The following OSBPL11 variants were observed in gnomAD, a reference collection of about 807,000 sequenced individuals.
The protein encoded by OSBPL11 is oxysterol-binding protein-related protein 11.
OSBPL11 carries 33 observed loss-of-function variants against 84.4 expected under a neutral mutation model. That is an observed-to-expected ratio of 0.39 (90% confidence interval 0.30 to 0.52). OSBPL11 has a LOEUF of 0.52. OSBPL11 is among the 20% of genes least tolerant of loss of function. The probability of loss-of-function intolerance (pLI) is 0.72; values close to 1 mark genes in which losing one functional copy is unlikely to be tolerated. For missense variants in OSBPL11, 736 were observed against 901.1 expected, an observed-to-expected ratio of 0.82 and a Z score of 2.35; for synonymous variants, 276 against 310.2, an observed-to-expected ratio of 0.89 and a Z score of 1.16.
chr3:125,582,826 A>G lies in OSBPL11; in HGVS notation c.233+84T>C, dbSNP rs988192318. 11 of 1,024,348 alleles carry G rather than the reference A, an allele frequency of 1.1e-5. No individual in the cohort carries two copies. In the African/African-American group the frequency reaches 1.3e-4, roughly 13 times the overall value. The allele number at this position is 1,024,348 out of a possible 1,614,324, so 63.5% of individuals were successfully genotyped here. A position where few individuals can be genotyped will look rare whatever the true frequency, so the allele number is the denominator to read the frequency against. ...AAAGGTTTCCCAGCCATGTCTGTCT[A>G]AAGTAATATCAAAATATAAAATTAT... is the stretch of plus-strand genomic sequence containing the variant. On this transcript the variant is annotated intron_variant, in intron 2 of 12. Coordinates refer to ENST00000296220, the MANE Select transcript of OSBPL11 (RefSeq NM_022776.5).
At chr3:125,554,897 A>G (rs1935967060) in intron 8 of OSBPL11, among the ~76,000 whole-genome samples, 1 of 151,626 alleles carries the variant, frequency 6.6e-6, no homozygotes, top group African/African-American at 2.4e-5. Flanking sequence ...CAGAGAAAAC[A>G]AACAAACAAA....
chr3:125,573,867 C>G (rs143275491), intron 5 of OSBPL11, among the ~76,000 whole-genome samples: 4 of 108,684 alleles, frequency 3.7e-5, no homozygotes, highest in Non-Finnish European at 7.1e-5. Flanking sequence ...AGCAAAACTC[C>G]GTCTCAAAAA....
intron 7 of OSBPL11, among the ~76,000 whole-genome samples, chr3:125,562,995 C>T (rs1936099740): frequency 6.6e-6 from 1 of 151,510 alleles, no homozygotes; most frequent in African/African-American, 2.4e-5. Context: ...AAAAACCCTC[C>T]AAACAATCTA....
chr3:125,579,128 G>T, intron 3 of OSBPL11, 89 bp from the exon 4 acceptor site: 3 of 937,744 alleles, frequency 3.2e-6, no homozygotes, highest in African/African-American at 1.7e-5. Context: ...TCACTGAAAA[G>T]CAGATACTGG....
chr3:125,594,845 ATTCTGTAG>A lies in OSBPL11; in HGVS notation c.-53_-46del, dbSNP rs777404353. ...TGCCCTTCTTGAGCGGGAGAGAACA[ATTCTGTAG>A]TTCTGTAGGTGACTTTTTTTTTTTA... is the stretch of plus-strand genomic sequence containing the variant. On this transcript the variant is annotated 5_prime_UTR_variant, in exon 1 of 13. Transcript: ENST00000296220. 1 of 1,585,656 alleles carries A rather than the reference ATTCTGTAG, an allele frequency of 6.3e-7. No homozygotes were observed. The highest frequency in any genetic ancestry group is 2.2e-5 in the East Asian group (1 of 44,540).
chr3:125,547,330 A>T, intron 10 of OSBPL11, 76 bp downstream of exon 10: 1 of 1,246,298 alleles, frequency 8.0e-7, no homozygotes, highest in South Asian at 1.4e-5. Context: ...AGAACAGAGC[A>T]GAAAAAGAAT....
At position 125,563,862 on chromosome 3, in the gene OSBPL11, A is replaced by T. The variant is rs752303401; in HGVS notation, c.869-19T>A. 7 of 1,606,622 alleles carry T rather than the reference A, an allele frequency of 4.4e-6. No homozygotes were observed. Among genetic ancestry groups the T allele is most frequent in the South Asian group, 1.1e-5 (1 of 89,774 alleles). On this transcript the variant is annotated intron_variant, in intron 6 of 12. Coordinates refer to ENST00000296220, the MANE Select transcript of OSBPL11 (RefSeq NM_022776.5). ...GTCGTTCCTGATGGAGTAAGAGAAAACTTTCGCTGAAACTTGCTCATAATC... is the reference window on the plus strand; with the variant it reads ...GTCGTTCCTGATGGAGTAAGAGAAATCTTTCGCTGAAACTTGCTCATAATC...
chr3:125,557,102 G>A (rs1463785016), intron 8 of OSBPL11, among the ~76,000 whole-genome samples: 1 of 152,110 alleles, frequency 6.6e-6, no homozygotes, highest in South Asian at 2.1e-4. Context: ...TTATGTTAGG[G>A]TAGTAAAATG....
intron 1 of OSBPL11, among the ~76,000 whole-genome samples, chr3:125,594,131 T>C (rs1180753776): frequency 1.3e-5 from 2 of 152,144 alleles, no homozygotes; most frequent in African/African-American, 4.8e-5. Context: ...ATCTCTACCT[T>C]TGTCCTTGCA....
Position 125,595,321 on chromosome 3 carries a change from AG to A in OSBPL11, c.-522del, listed in dbSNP as rs895075522. 7.3e-5 allele frequency among the ~76,000 whole-genome samples: 11 copies of A among 149,900 alleles called. No individual in the cohort carries two copies. The highest frequency in any genetic ancestry group is 2.5e-4 in the African/African-American group (10 of 40,504). On this transcript the variant is annotated 5_prime_UTR_variant, in exon 1 of 13. Transcript: ENST00000296220. ...CCAGGGCCGGCGCGCGCAGCCGGGGAGGAGGGTCGGGGAATGAGGCCGCCGG... is the reference window on the plus strand; with the variant it reads ...CCAGGGCCGGCGCGCGCAGCCGGGGAGAGGGTCGGGGAATGAGGCCGCCGG...
In OSBPL11 at chr3:125,589,550, G is replaced by T. The variant is rs78880695; in HGVS notation, c.164+5087C>A. Among the ~76,000 whole-genome samples the T allele has an allele frequency of 1.5e-3, 231 of 151,112 alleles. 2 individuals are homozygous for T. The highest frequency in any genetic ancestry group is 4.9e-3 in the African/African-American group (202 of 41,124). ...GTTTTTACCAGCATCTATAGCAGAT[G>T]TCAGATACAGAAAACAAAAACTAGA... On this transcript the variant is annotated intron_variant, in intron 1 of 12. Transcript: ENST00000296220.
rs540753756 is a variant in OSBPL11, at chr3:125,586,303, C to G, written c.165-3325G>C. 2.2e-4 allele frequency among the ~76,000 whole-genome samples: 33 copies of G among 152,274 alleles called. No homozygotes were observed. In the South Asian group the frequency reaches 2.9e-3, roughly 13 times the overall value. The stretch of plus-strand genomic sequence containing the variant: ...CTTCTTCAGTCCTCCAAAAACTTCA[C>G]TGCTCAAGAAACTGGGTATATTTCT... On this transcript the variant is annotated intron_variant, in intron 1 of 12. Coordinates refer to ENST00000296220, the MANE Select transcript of OSBPL11 (RefSeq NM_022776.5).
At chr3:125,540,669 A>G (rs1196213396) in intron 10 of OSBPL11, among the ~76,000 whole-genome samples, 1 of 152,200 alleles carries the variant, frequency 6.6e-6, no homozygotes, top group Non-Finnish European at 1.5e-5. Context: ...TAAGATAATC[A>G]GCTCCTCACT....
chr3:125,532,508 T>C (rs1935572728), intron 11 of OSBPL11, among the ~76,000 whole-genome samples: 1 of 149,514 alleles, frequency 6.7e-6, no homozygotes, highest in Non-Finnish European at 1.5e-5. Context: ...GTCCTATGAG[T>C]GCTCTAACTC....
At chr3:125,578,903 AT>A (rs60145406) in intron 4 of OSBPL11, 56 bp downstream of exon 4, 107,855 of 1,157,416 alleles carry the variant, frequency 0.093, 3,505 homozygotes, top group African/African-American at 0.16. Flanking sequence ...AAGGCAAAAA[AT>A]AAAAAATATT....
Position 125,552,521 on chromosome 3 carries a change from T to C in OSBPL11, c.1314A>G (p.Glu438=), listed in dbSNP as rs1935928942. 1 of 1,614,094 alleles carries C rather than the reference T, an allele frequency of 6.2e-7. No individual in the cohort carries two copies. The highest frequency in any genetic ancestry group is 1.1e-5 in the South Asian group (1 of 91,092). Residue 438 remains glutamate, a synonymous_variant, in exon 9 of 13, where the codon GAA becomes GAG. Coordinates refer to ENST00000296220, the MANE Select transcript of OSBPL11 (RefSeq NM_022776.5). The part of the protein sequence containing the change: ...FVEYYLTSFH[E]GRKGAIAKKP... The stretch of plus-strand genomic sequence containing the variant: ...TTTTAGCAATGGCTCCCTTACGGCC[T>C]TCATGAAATGAGGTAAGGTAGTACT...
chr3:125,582,819 T>C, intron 2 of OSBPL11, 91 bp downstream of exon 2: 1 of 955,390 alleles, frequency 1.0e-6, no homozygotes, highest in South Asian at 1.6e-5. Context: ...CCCAGCCATG[T>C]CTGTCTAAAG....
Position 125,530,327 on chromosome 3 carries a change from G to A in OSBPL11, c.*188C>T. The A allele has an allele frequency of 1.6e-6, 1 of 610,542 alleles. No homozygotes were observed. The highest frequency in any genetic ancestry group is 3.0e-6 in the Non-Finnish European group (1 of 337,754). The allele number at this position is 610,542 out of a possible 1,614,324, so 37.8% of individuals were successfully genotyped here. A position where few individuals can be genotyped will look rare whatever the true frequency, so the allele number is the denominator to read the frequency against. ...CATCACATGAACAGGTTGGTAAAAG[G>A]TCCACTGTGTTTCTTTACCACTTTG... On this transcript the variant is annotated 3_prime_UTR_variant, in exon 13 of 13. Coordinates refer to ENST00000296220, the MANE Select transcript of OSBPL11 (RefSeq NM_022776.5).
At position 125,594,752 on chromosome 3, in the gene OSBPL11, C is replaced by G. The variant is rs760726624; in HGVS notation, c.49G>C (p.Gly17Arg). The G allele has an allele frequency of 6.2e-7, 1 of 1,614,222 alleles. No individual in the cohort carries two copies. Among genetic ancestry groups the G allele is most frequent in the Non-Finnish European group, 8.5e-7 (1 of 1,180,034 alleles). ...VSTMKVSESE[G>R]KLEGQATAVT... ...GCTGTGGCCTGGCCCTCCAGCTTTC[C>G]TTCGCTCTCCGAGACTTTCATTGTG... Residue 17 changes from glycine to arginine, a missense_variant, in exon 1 of 13, where the codon GGA (glycine) becomes CGA (arginine). Gly to Arg is a moderately radical substitution (Grantham distance 125). Coordinates refer to ENST00000296220, the MANE Select transcript of OSBPL11 (RefSeq NM_022776.5).
Sources: allele counts gnomAD v4.1 joint callset (sites outside exome capture counted in the v4.1 genomes callset), GRCh38; gene constraint gnomAD v4.1.1; transcripts MANE v1.5; gene names NCBI Gene and HGNC (gene_info 2026-07-23, HGNC 2026-07-21).